Variants in IFNL1 observed in about 807,000 individuals in gnomAD.
IFNL1 encodes interferon lambda-1.
IFNL1 carries 16 observed loss-of-function variants against 17.1 expected under a neutral mutation model. That is an observed-to-expected ratio of 0.93 (90% CI 0.63 to 1.42). IFNL1 has a LOEUF of 1.42. IFNL1 is among the 40% of genes most tolerant of loss of function. The probability of loss-of-function intolerance (pLI) is 0.00; values close to 1 mark genes in which losing one functional copy is unlikely to be tolerated. For missense variants in IFNL1, 262 were observed against 249.4 expected (o/e 1.05, Z -0.34); for synonymous variants, 104 against 111.4 (o/e 0.93, Z 0.42).
intron 2 of IFNL1, among the ~76,000 whole-genome samples, chr19:39,297,731 C>A (rs2075104368): frequency 6.7e-6 from 1 of 148,428 alleles, no homozygotes. Context: ...CCCCGTAAGT[C>A]CCCTTTCATT....
rs1401597917 is a variant in IFNL1 at position 39,298,278 on chromosome 19, C to A, written c.459C>A (p.Leu153=). Residue 153 remains leucine, a synonymous_variant, in exon 4 of 5, where the codon CTC becomes CTA. Transcript: ENST00000333625. ...RGRLHHWLHR[L]QEAPKKESAG... The stretch of plus-strand genomic sequence containing the variant: ...GCCTCCACCACTGGCTGCACCGGCT[C>A]CAGGAGGCCCCCAAAAAGGTGAGTG... 1.2e-6 allele frequency: 2 copies of A among 1,614,138 alleles called. No homozygotes were observed. Among genetic ancestry groups the A allele is most frequent in the Admixed American group, 1.7e-5 (1 of 60,026 alleles).
At chr19:39,298,358 A>G (rs760245153) in intron 4 of IFNL1, 33 bp from the exon 5 acceptor site, 2 of 1,614,050 alleles carry the variant, frequency 1.2e-6, no homozygotes, top group South Asian at 2.2e-5. Flanking sequence ...CAGACCCTGG[A>G]CAGCCCCTGA....
In IFNL1 at chr19:39,298,464, T is replaced by C; in HGVS notation, c.551T>C (p.Val184Ala). The C allele has an allele frequency of 6.2e-7, 1 of 1,614,150 alleles. No individual in the cohort carries two copies. The highest frequency in any genetic ancestry group is 8.5e-7 in the Non-Finnish European group (1 of 1,180,018). The change falls in exon 5 of 5, where the codon GTG (valine) becomes GCG (alanine). Residue 184 changes from valine to alanine, a missense_variant. Val to Ala is a moderately conservative substitution (Grantham distance 64). Coordinates refer to ENST00000333625, the MANE Select transcript of IFNL1 (RefSeq NM_172140.2). ...FRLLTRDLKY[V>A]ADGNLCLRTS... ...CTCCTCACGCGAGACCTCAAATATG[T>C]GGCCGATGGGAACCTGTGTCTGAGA...
rs1252736213 is a variant in IFNL1 at position 39,298,614 on chromosome 19, G to C, written c.*98G>C. 1 of 1,429,946 alleles carries C rather than the reference G, an allele frequency of 7.0e-7. No individual in the cohort carries two copies. Among genetic ancestry groups the C allele is most frequent in the Non-Finnish European group, 9.6e-7 (1 of 1,038,220 alleles). 88.6% of individuals were successfully genotyped at this position (1,429,946 alleles called of 1,614,324 possible). ...AGCTGCAGCCCTGACTGAGACATAG[G>C]GCTGAGTTTATTGTTTTACTTTTAT... On this transcript the variant is annotated 3_prime_UTR_variant, in exon 5 of 5. Transcript: ENST00000333625.
At position 39,298,418 on chromosome 19, in the gene IFNL1, G is replaced by C; in HGVS notation, c.505G>C (p.Val169Leu). The C allele has an allele frequency of 6.2e-7, 1 of 1,614,206 alleles. No homozygotes were observed. Among genetic ancestry groups the C allele is most frequent in the Non-Finnish European group, 8.5e-7 (1 of 1,180,040 alleles). ...KESAGCLEASVTFNLFRLLTR... is the reference protein window; with the variant it reads ...KESAGCLEASLTFNLFRLLTR... ...GTCCGCTGGCTGCCTGGAGGCATCTGTCACCTTCAACCTCTTCCGCCTCCT... is the reference window on the plus strand; with the variant it reads ...GTCCGCTGGCTGCCTGGAGGCATCTCTCACCTTCAACCTCTTCCGCCTCCT... Residue 169 changes from valine (V) to leucine (L), a missense_variant, in exon 5 of 5, where the codon GTC becomes CTC. Val to Leu is a conservative substitution (Grantham distance 32, BLOSUM62 1). Coordinates refer to ENST00000333625, the MANE Select transcript of IFNL1 (RefSeq NM_172140.2).
rs1169477954 is a variant in IFNL1 at position 39,296,426 on chromosome 19, C to T, written c.5C>T (p.Ala2Val). 6.2e-7 allele frequency: 1 copy of T among 1,609,706 alleles called. No individual in the cohort carries two copies. Among genetic ancestry groups the T allele is most frequent in the Admixed American group, 1.7e-5 (1 of 58,966 alleles). Residue 2 changes from alanine to valine, a missense_variant, in exon 1 of 5, where the codon GCT becomes GTT. Coordinates refer to ENST00000333625, the MANE Select transcript of IFNL1 (RefSeq NM_172140.2). ...GGAAGCAGTTGCGATTTAGCCATGG[C>T]TGCAGCTTGGACCGTGGTGCTGGTG... Reference protein sequence around the residue: MAAAWTVVLVTL... With the variant: MVAAWTVVLVTL...
At position 39,296,431 on chromosome 19, in the gene IFNL1, G is replaced by C; in HGVS notation, c.10G>C (p.Ala4Pro). 6.2e-7 allele frequency: 1 copy of C among 1,610,700 alleles called. No homozygotes were observed. The change falls in exon 1 of 5, where the codon GCT becomes CCT. Residue 4 changes from alanine (A) to proline (P), a missense_variant. Coordinates refer to ENST00000333625, the MANE Select transcript of IFNL1 (RefSeq NM_172140.2). The part of the protein sequence containing the change: MAA[A>P]WTVVLVTLVL... ...CAGTTGCGATTTAGCCATGGCTGCA[G>C]CTTGGACCGTGGTGCTGGTGACTTT...
chr19:39,298,098 C>G lies in IFNL1; in HGVS notation c.384C>G (p.Leu128=), dbSNP rs1303152813. ...LHTLHHILSQ[L]QACIQPQPTA... is the part of the protein sequence containing the mutation. ...CCCTGCACCACATCCTCTCCCAGCT[C>G]CAGGCCTGTGTGAGTCCTTGGGGCC... The change falls in exon 3 of 5, where the codon CTC becomes CTG. Residue 128 remains leucine (L), a synonymous_variant. Coordinates refer to ENST00000333625, the MANE Select transcript of IFNL1 (RefSeq NM_172140.2). The G allele has an allele frequency of 2.5e-6, 4 of 1,614,020 alleles. No individual in the cohort carries two copies. In the Admixed American group the frequency reaches 6.7e-5, roughly 27 times the overall value.
rs774393274 is a variant in IFNL1 at position 39,296,413 on chromosome 19, G to T, written c.-9G>T. Reference sequence around the variant, plus strand: ...GCCATGCCGCTGGGGAAGCAGTTGCGATTTAGCCATGGCTGCAGCTTGGAC... The same window carrying T: ...GCCATGCCGCTGGGGAAGCAGTTGCTATTTAGCCATGGCTGCAGCTTGGAC... On this transcript the variant is annotated 5_prime_UTR_variant, in exon 1 of 5. Coordinates refer to ENST00000333625, the MANE Select transcript of IFNL1 (RefSeq NM_172140.2). 1.2e-6 allele frequency: 2 copies of T among 1,606,592 alleles called. No homozygotes were observed. Among genetic ancestry groups the T allele is most frequent in the African/African-American group, 1.3e-5 (1 of 74,562 alleles).
intron 2 of IFNL1, among the ~76,000 whole-genome samples, chr19:39,297,623 C>T (rs540993531): frequency 2.4e-4 from 36 of 152,020 alleles, no homozygotes; most frequent in African/African-American, 8.4e-4. Context: ...CCCAGCCCTA[C>T]CCTTCTTCTC....
In IFNL1 at chr19:39,298,103, C is replaced by A. The variant is rs2075105866; in HGVS notation, c.389C>A (p.Ala130Asp). ...CACCACATCCTCTCCCAGCTCCAGGCCTGTGTGAGTCCTTGGGGCCCGGGC... is the reference window on the plus strand; with the variant it reads ...CACCACATCCTCTCCCAGCTCCAGGACTGTGTGAGTCCTTGGGGCCCGGGC... ...TLHHILSQLQ[A>D]CIQPQPTAGP... Residue 130 changes from alanine (A) to aspartate (D), a missense_variant, in exon 3 of 5, where the codon GCC becomes GAC. Ala to Asp is a moderately radical substitution (Grantham distance 126). Transcript: ENST00000333625. The A allele has an allele frequency of 1.9e-6, 3 of 1,613,786 alleles. No individual in the cohort carries two copies. The highest frequency in any genetic ancestry group is 2.5e-6 in the Non-Finnish European group (3 of 1,179,754).
At position 39,298,243 on chromosome 19, in the gene IFNL1, C is replaced by A. The variant is rs1363479556; in HGVS notation, c.424C>A (p.Pro142Thr). ...GCCTCAGCCCACAGCAGGGCCCAGG[C>A]CCCGGGGCCGCCTCCACCACTGGCT... ...IQPQPTAGPR[P>T]RGRLHHWLHR... is the part of the protein sequence containing the mutation. The change falls in exon 4 of 5, where the codon CCC becomes ACC. Residue 142 changes from proline to threonine, a missense_variant. Transcript: ENST00000333625. 1.9e-6 allele frequency: 3 copies of A among 1,613,966 alleles called. No individual in the cohort carries two copies. Among genetic ancestry groups the A allele is most frequent in the African/African-American group, 1.3e-5 (1 of 74,944 alleles).
rs917638401 is a variant in IFNL1, at chr19:39,296,644, G to C, written c.171+52G>C. The C allele has an allele frequency of 1.3e-5, 20 of 1,563,218 alleles. No individual in the cohort carries two copies. In the Admixed American group the frequency reaches 3.3e-4, roughly 26 times the overall value. On this transcript the variant is annotated intron_variant, in intron 1 of 4. Transcript: ENST00000333625. ...CACTTCTACGGGTGTCCCAATTACT[G>C]CCCTTCTACTGTGGGCTAGCCTCTA...
intron 3 of IFNL1, 22 bp downstream of exon 3, chr19:39,298,129 AC>A (rs2075105978): frequency 1.9e-6 from 3 of 1,612,338 alleles, no homozygotes; most frequent in Non-Finnish European, 2.5e-6. Flanking sequence ...GGGCCCGGGC[AC>A]CCAGGTCTGT....
intron 2 of IFNL1, 61 bp from the exon 3 acceptor site, chr19:39,297,903 C>A: frequency 1.2e-6 from 2 of 1,603,338 alleles, no homozygotes; most frequent in Non-Finnish European, 1.7e-6. Context: ...GCCTACCTGT[C>A]CCCACTAACT....
Position 39,296,502 on chromosome 19 carries a change from C to T in IFNL1, c.81C>T (p.Pro27=). 2 of 1,613,604 alleles carry T rather than the reference C, an allele frequency of 1.2e-6. No individual in the cohort carries two copies. Among genetic ancestry groups the T allele is most frequent in the African/African-American group, 2.7e-5 (2 of 75,016 alleles). Residue 27 remains proline (P), a synonymous_variant, in exon 1 of 5, where the codon CCC becomes CCT. Transcript: ENST00000333625. ...CAGGCCCTGTCCCCACTTCCAAGCC[C>T]ACCACAACTGGGAAGGGCTGCCACA... ...AVAGPVPTSK[P]TTTGKGCHIG...
intron 2 of IFNL1, among the ~76,000 whole-genome samples, chr19:39,297,096 C>T (rs899805774): frequency 3.5e-4 from 53 of 152,020 alleles, no homozygotes; most frequent in African/African-American, 9.7e-4. Context: ...TTCCCTAGCT[C>T]GCTCACCTGT....
rs766985145 is a variant in IFNL1, at chr19:39,298,286, C to G, written c.467C>G (p.Ala156Gly). The G allele has an allele frequency of 6.2e-7, 1 of 1,614,136 alleles. No homozygotes were observed. The highest frequency in any genetic ancestry group is 8.5e-7 in the Non-Finnish European group (1 of 1,179,994). ...CACTGGCTGCACCGGCTCCAGGAGG[C>G]CCCCAAAAAGGTGAGTGACCCAGGA... is the stretch of plus-strand genomic sequence containing the variant. ...LHHWLHRLQE[A>G]PKKESAGCLE... is the part of the protein sequence containing the mutation. The change falls in exon 4 of 5, where the codon GCC becomes GGC. Residue 156 changes from alanine to glycine, a missense_variant. Transcript: ENST00000333625.
rs781495979 is a variant in IFNL1, at chr19:39,298,391, G to A, written c.478G>A (p.Glu160Lys). The A allele has an allele frequency of 3.1e-6, 5 of 1,614,200 alleles. No individual in the cohort carries two copies. The highest frequency in any genetic ancestry group is 1.7e-5 in the Admixed American group (1 of 60,022). ...LHRLQEAPKKESAGCLEASVT... is the reference protein window; with the variant it reads ...LHRLQEAPKKKSAGCLEASVT... ...TGACCCATCCCCTCCTCCCCTACAG[G>A]AGTCCGCTGGCTGCCTGGAGGCATC... The change falls in exon 5 of 5, where the codon GAG becomes AAG. Residue 160 changes from glutamate to lysine, a missense_variant and splice_region_variant. Coordinates refer to ENST00000333625, the MANE Select transcript of IFNL1 (RefSeq NM_172140.2).
Sources: gnomAD v4.1 joint callset for allele counts (sites outside exome capture counted in the v4.1 genomes callset) on GRCh38, gnomAD v4.1.1 for gene constraint, MANE v1.5 for transcripts, NCBI Gene and HGNC (gene_info 2026-07-23, HGNC 2026-07-21) for gene names.